FAM135A: variants seen among roughly 807,000 people sequenced by gnomAD.
The protein encoded by FAM135A is protein FAM135A.
In FAM135A, 79 loss-of-function variants were observed where a neutral mutation model predicts 146.8. The observed-to-expected ratio is 0.54, with a 90% CI of 0.45 to 0.65. The LOEUF (loss-of-function observed/expected upper bound fraction) is 0.65. FAM135A is among the 30% of genes least tolerant of loss of function. The pLI is 0.00. For missense variants in FAM135A, 1,623 were observed against 1,758.2 expected (o/e 0.92, Z 1.38); for synonymous variants, 562 against 603.6 (o/e 0.93, Z 1.01).
At chr6:70,442,363 T>A (rs906355514) in intron 4 of FAM135A, among the ~76,000 whole-genome samples, 2 of 151,888 alleles carry the variant, frequency 1.3e-5, no homozygotes, top group African/African-American at 4.8e-5. Flanking sequence ...ACATTAAATT[T>A]ATTTGTTTTA....
intron 4 of FAM135A, among the ~76,000 whole-genome samples, chr6:70,435,062 CGTGT>C (rs60366617): frequency 9.4e-4 from 119 of 126,986 alleles, no homozygotes; most frequent in African/African-American, 3.4e-3. Flanking sequence ...TATATATATA[CGTGT>C]GTGTGTGTGT....
intron 2 of FAM135A, among the ~76,000 whole-genome samples, chr6:70,416,461 A>G (rs1005357199): frequency 3.9e-5 from 6 of 152,238 alleles, no homozygotes. Flanking sequence ...TTTAGGGGGT[A>G]GAAAAGCCAA....
In FAM135A at chr6:70,523,950, G is replaced by A; in HGVS notation, c.1104-17G>A. ...AATTTTTCTAAATTACAATCTGACT[G>A]AAGAAATATTTTTCAGTGCTCAGAG... On this transcript the variant is annotated splice_polypyrimidine_tract_variant and intron_variant, in intron 13 of 21. Transcript: ENST00000418814. 3 of 1,591,928 alleles carry A rather than the reference G, an allele frequency of 1.9e-6. No homozygotes were observed. Among genetic ancestry groups the A allele is most frequent in the Non-Finnish European group, 2.6e-6 (3 of 1,174,382 alleles).
intron 20 of FAM135A, among the ~76,000 whole-genome samples, chr6:70,554,016 A>C (rs1253025869): frequency 6.6e-6 from 1 of 152,184 alleles, no homozygotes; most frequent in Non-Finnish European, 1.5e-5. Context: ...TGGAAATAGA[A>C]TTTGGTGTTA....
At chr6:70,425,874 C>T (rs371555750) in intron 2 of FAM135A, among the ~76,000 whole-genome samples, 16 of 152,106 alleles carry the variant, frequency 1.1e-4, no homozygotes, top group African/African-American at 3.4e-4. Context: ...GAGGCCGAGG[C>T]GGGTGGATCA....
chr6:70,557,071 T>C (rs1800985916), intron 21 of FAM135A: 1 of 568,506 alleles, frequency 1.8e-6, no homozygotes, highest in Non-Finnish European at 3.1e-6. Context: ...TTCATCTAAT[T>C]ACAAATGCCT....
chr6:70,450,713 G>GTTGTTTTTTT (rs1776837965), intron 4 of FAM135A, among the ~76,000 whole-genome samples: 1 of 29,780 alleles, frequency 3.4e-5, no homozygotes. Context: ...GACCCTTTTA[G>GTTGTTTTTTT]TTGTTTTTTT....
chr6:70,458,246 G>A (rs566275485), intron 5 of FAM135A, among the ~76,000 whole-genome samples: 2 of 152,190 alleles, frequency 1.3e-5, no homozygotes, highest in Non-Finnish European at 2.9e-5. Context: ...GAAGAAGAAA[G>A]AAATACATAA....
intron 2 of FAM135A, among the ~76,000 whole-genome samples, chr6:70,419,875 G>A (rs1432236565): frequency 1.3e-5 from 2 of 152,060 alleles, no homozygotes; most frequent in African/African-American, 2.4e-5. Context: ...TGAAGAAATC[G>A]AATTTTTTCT....
chr6:70,501,797 G>A (rs576859927), intron 11 of FAM135A, among the ~76,000 whole-genome samples: 1 of 152,146 alleles, frequency 6.6e-6, no homozygotes, highest in Non-Finnish European at 1.5e-5. Flanking sequence ...TGGACTCACT[G>A]CCTAACCAGT....
chr6:70,544,042 A>C (rs1300601430), intron 20 of FAM135A, among the ~76,000 whole-genome samples: 1 of 152,160 alleles, frequency 6.6e-6, no homozygotes, highest in Non-Finnish European at 1.5e-5. Flanking sequence ...TCATAAGATT[A>C]TTAAAAGGAT....
chr6:70,533,164 CAG>C lies in FAM135A; in HGVS notation c.3781_3782del (p.Ser1261CysfsTer11). On this transcript the variant is annotated frameshift_variant, in exon 17 of 22. Coordinates refer to ENST00000418814, the MANE Select transcript of FAM135A (RefSeq NM_001162529.3). LOFTEE classifies it high-confidence loss of function. ...IVCVHGLDGN[S>X]ADLRLVKTYI... ...ACATCATTTTTCATTTTTTAGGAAA[CAG>C]TGCAGATCTCCGATTAGTAAAAACT... The C allele has an allele frequency of 6.2e-7, 1 of 1,611,208 alleles. No homozygotes were observed. The highest frequency in any genetic ancestry group is 8.5e-7 in the Non-Finnish European group (1 of 1,177,972).
At chr6:70,475,282 C>T in intron 5 of FAM135A, 128 bp from the exon 6 acceptor site, 1 of 670,126 alleles carries the variant, frequency 1.5e-6, no homozygotes, top group Non-Finnish European at 2.3e-6. Context: ...TGTTCCAATA[C>T]TGCAGTATAA....
At position 70,510,107 on chromosome 6, in the gene FAM135A, T is replaced by A. The variant is rs570853866; in HGVS notation, c.1029+7316T>A. Among the ~76,000 whole-genome samples, 6 of 152,210 alleles carry A rather than the reference T, an allele frequency of 3.9e-5. No homozygotes were observed. In the South Asian group the frequency reaches 1.2e-3, roughly 32 times the overall value. On this transcript the variant is annotated intron_variant, in intron 12 of 21. Transcript: ENST00000418814. ...ACTGGAATTAATCATAAAAAAATAC[T>A]GTAGAACACTAAGTATGCTGCCGTT...
At chr6:70,465,373 T>G (rs2128116454) in intron 5 of FAM135A, among the ~76,000 whole-genome samples, 1 of 152,330 alleles carries the variant, frequency 6.6e-6, no homozygotes, top group South Asian at 2.1e-4. Flanking sequence ...TCAGTTCTTC[T>G]GGATAAATAC....
At chr6:70,448,610 G>C (rs1776350125) in intron 4 of FAM135A, among the ~76,000 whole-genome samples, 1 of 152,166 alleles carries the variant, frequency 6.6e-6, no homozygotes, top group Admixed American at 6.5e-5. Context: ...CGCACACACA[G>C]AAATATAGAG....
intron 4 of FAM135A, among the ~76,000 whole-genome samples, chr6:70,434,772 GTTTGA>G (rs1772567199): frequency 6.6e-6 from 1 of 152,130 alleles, no homozygotes; most frequent in Non-Finnish European, 1.5e-5. Flanking sequence ...AATGTTATCA[GTTTGA>G]TTTGTTTCCA....
At chr6:70,536,433 T>C in intron 19 of FAM135A, 22 bp downstream of exon 19, 1 of 1,547,772 alleles carries the variant, frequency 6.5e-7, no homozygotes, top group Non-Finnish European at 8.7e-7. Flanking sequence ...TATTGTTCTG[T>C]ATTAAAAATA....
intron 4 of FAM135A, among the ~76,000 whole-genome samples, chr6:70,445,274 G>C (rs1027807101): frequency 6.6e-6 from 1 of 152,142 alleles, no homozygotes; most frequent in Non-Finnish European, 1.5e-5. Context: ...AGAGACTATG[G>C]CCCACAGAGT....
Sources: gnomAD v4.1 joint callset for allele counts (sites outside exome capture counted in the v4.1 genomes callset) on GRCh38, gnomAD v4.1.1 for gene constraint, MANE v1.5 for transcripts, NCBI Gene and HGNC (gene_info 2026-07-23, HGNC 2026-07-21) for gene names.